The following TAS1R1 variants were observed in gnomAD, a reference collection of about 807,000 sequenced individuals.
TAS1R1 encodes taste receptor type 1 member 1.
Under a neutral mutation model 45.8 loss-of-function variants are expected in TAS1R1, and 31 were observed. The ratio of observed to expected loss-of-function variants is 0.68; its 90% CI spans 0.51 to 0.91. The LOEUF (loss-of-function observed/expected upper bound fraction) is 0.91. Ranked by LOEUF, TAS1R1 falls within the 40% of genes least tolerant of loss-of-function variation. TAS1R1 has a pLI of 0.00. For missense variants in TAS1R1, 1,051 were observed against 1,063.9 expected, an observed-to-expected ratio of 0.99 and a Z score of 0.17; for synonymous variants, 437 against 448.4, an observed-to-expected ratio of 0.97 and a Z score of 0.32.
rs1359974282 is a variant in TAS1R1, at chr1:6,555,382, C to G, written c.9C>G (p.Leu3=). The part of the protein sequence containing the change: ML[L]CTARLVGLQL... ...GCGGGCATCTGGCCAGCATGCTGCT[C>G]TGCACGGCTCGCCTGGTCGGCCTGC... is the stretch of plus-strand genomic sequence containing the variant. Residue 3 remains leucine, a synonymous_variant, in exon 1 of 6, where the codon CTC becomes CTG. Coordinates refer to ENST00000333172, the MANE Select transcript of TAS1R1 (RefSeq NM_138697.4). 6.3e-7 allele frequency: 1 copy of G among 1,599,332 alleles called. No homozygotes were observed. Among genetic ancestry groups the G allele is most frequent in the South Asian group, 1.1e-5 (1 of 89,344 alleles).
At chr1:6,577,661 C>T (rs1269756702) in intron 5 of TAS1R1, among the ~76,000 whole-genome samples, 4 of 151,188 alleles carry the variant, frequency 2.6e-5, no homozygotes, top group African/African-American at 9.7e-5. Flanking sequence ...CCCATCTCTA[C>T]TAAAAATACA....
intron 1 of TAS1R1, among the ~76,000 whole-genome samples, chr1:6,563,105 C>T (rs1488373893): frequency 6.6e-6 from 1 of 152,150 alleles, no homozygotes; most frequent in Non-Finnish European, 1.5e-5. Context: ...GCCATACAGC[C>T]TGTATGTCTG....
At chr1:6,560,977 ACT>A (rs1639775679) in intron 1 of TAS1R1, among the ~76,000 whole-genome samples, 1 of 82,964 alleles carries the variant, frequency 1.2e-5, no homozygotes, top group South Asian at 5.5e-4. Flanking sequence ...GAGTCGGAAG[ACT>A]CTGTCTCAAA....
Position 6,575,392 on chromosome 1 carries a change from G to A in TAS1R1, c.1260G>A (p.Gln420=), listed in dbSNP as rs761684697. 5 of 1,553,488 alleles carry A rather than the reference G, an allele frequency of 3.2e-6. No individual in the cohort carries two copies. In the South Asian group the frequency reaches 3.7e-5, roughly 12 times the overall value. ...CCAGGGGCCGAGTCTACCCCTGGCAGGTAAGAGAGCCCACCCCAGCACCTC... is the reference window on the plus strand; with the variant it reads ...CCAGGGGCCGAGTCTACCCCTGGCAAGTAAGAGAGCCCACCCCAGCACCTC... ...ACSRGRVYPW[Q]LLEQIHKVHF... is the part of the protein sequence containing the mutation. Residue 420 remains glutamine, a splice_region_variant and synonymous_variant, in exon 3 of 6, where the codon CAG becomes CAA. Coordinates refer to ENST00000333172, the MANE Select transcript of TAS1R1 (RefSeq NM_138697.4).
At chr1:6,561,092 A>C (rs1639780131) in intron 1 of TAS1R1, among the ~76,000 whole-genome samples, 1 of 151,794 alleles carries the variant, frequency 6.6e-6, no homozygotes, top group Admixed American at 6.6e-5. Flanking sequence ...CCATGGGTGA[A>C]GGCTCTAATA....
At chr1:6,573,466 A>G (rs1455567733) in intron 2 of TAS1R1, among the ~76,000 whole-genome samples, 1 of 152,008 alleles carries the variant, frequency 6.6e-6, no homozygotes, top group Non-Finnish European at 1.5e-5. Flanking sequence ...CAGAAAGAAA[A>G]GAAAAAATGC....
rs74932337 is a variant in TAS1R1, at chr1:6,569,744, G to C, written c.192-1165G>C. On this transcript the variant is annotated intron_variant, in intron 1 of 5. Transcript: ENST00000333172. The stretch of plus-strand genomic sequence containing the variant: ...CTGAGACAGGCGTCCCTGAAATGGA[G>C]GAACCGGAGGCCTGGAGGCCAGAGG... Among the ~76,000 whole-genome samples the C allele has an allele frequency of 4.1e-3, 621 of 152,266 alleles. 6 individuals carry two copies. The highest frequency in any genetic ancestry group is 0.014 in the African/African-American group (593 of 41,528).
chr1:6,555,894 C>T (rs1340264083), intron 1 of TAS1R1, among the ~76,000 whole-genome samples: 1 of 9,888 alleles, frequency 1.0e-4, no homozygotes, highest in African/African-American at 1.5e-4. Flanking sequence ...TTTTTTGAGA[C>T]GGAGTCTCGC....
chr1:6,573,420 G>T (rs577792858), intron 2 of TAS1R1, among the ~76,000 whole-genome samples: 1 of 151,882 alleles, frequency 6.6e-6, no homozygotes, highest in African/African-American at 2.4e-5. Context: ...TCACGCCACC[G>T]CACTCCATCC....
rs149578423 is a variant in TAS1R1 at position 6,579,169 on chromosome 1, T to G, written c.2111T>G (p.Leu704Arg). The G allele has an allele frequency of 8.1e-6, 13 of 1,614,096 alleles. No individual in the cohort carries two copies. The highest frequency in any genetic ancestry group is 3.3e-5 in the Admixed American group (2 of 60,004). The part of the protein sequence containing the change: ...CLTWLVVWTP[L>R]PAREYQRFPH... ...ACTTGGCTGGTGGTGTGGACCCCAC[T>G]GCCTGCTAGGGAATACCAGCGCTTC... is the stretch of plus-strand genomic sequence containing the variant. Residue 704 changes from leucine (L) to arginine (R), a missense_variant, in exon 6 of 6, where the codon CTG (leucine) becomes CGG (arginine). By Grantham distance (102) the Leu-to-Arg change is moderately radical. Coordinates refer to ENST00000333172, the MANE Select transcript of TAS1R1 (RefSeq NM_138697.4).
At chr1:6,567,764 G>C (rs1350764300) in intron 1 of TAS1R1, among the ~76,000 whole-genome samples, 1 of 152,102 alleles carries the variant, frequency 6.6e-6, no homozygotes, top group East Asian at 1.9e-4. Context: ...TGAGGTGCAG[G>C]CTTTTCTGTC....
chr1:6,558,117 G>C (rs1243262846), intron 1 of TAS1R1, among the ~76,000 whole-genome samples: 1 of 149,538 alleles, frequency 6.7e-6, no homozygotes, highest in African/African-American at 2.5e-5. Flanking sequence ...TACAATCATA[G>C]CTCACTGCAG....
chr1:6,576,642 G>A lies in TAS1R1; in HGVS notation c.1473+15G>A, dbSNP rs755273541. 6.2e-7 allele frequency: 1 copy of A among 1,610,488 alleles called. No homozygotes were observed. The highest frequency in any genetic ancestry group is 1.1e-5 in the South Asian group (1 of 91,040). On this transcript the variant is annotated intron_variant, in intron 4 of 5. Transcript: ENST00000333172. ...AGGACAACCAGGTAATGGGGATGTG[G>A]CTACTCACCATGTAACTGGCTTATG... is the stretch of plus-strand genomic sequence containing the variant.
At chr1:6,567,307 TC>T (rs1229082421) in intron 1 of TAS1R1, among the ~76,000 whole-genome samples, 1 of 151,988 alleles carries the variant, frequency 6.6e-6, no homozygotes, top group Non-Finnish European at 1.5e-5. Flanking sequence ...ACGCCTGTAA[TC>T]CCAGCACTTT....
chr1:6,557,319 A>G (rs2148665730), intron 1 of TAS1R1, among the ~76,000 whole-genome samples: 1 of 152,252 alleles, frequency 6.6e-6, no homozygotes. Flanking sequence ...AGGAGGCACG[A>G]ACCCTCCGTT....
chr1:6,560,103 C>A (rs1639756245), intron 1 of TAS1R1, among the ~76,000 whole-genome samples: 1 of 151,878 alleles, frequency 6.6e-6, no homozygotes, highest in South Asian at 2.1e-4. Context: ...TCAAGACCAG[C>A]CTGACCAACA....
chr1:6,559,923 G>A (rs1343729359), intron 1 of TAS1R1, among the ~76,000 whole-genome samples: 1 of 151,126 alleles, frequency 6.6e-6, no homozygotes, highest in Non-Finnish European at 1.5e-5. Flanking sequence ...CTGGTGGGTG[G>A]AGGTTGCAAT....
intron 1 of TAS1R1, among the ~76,000 whole-genome samples, chr1:6,562,230 G>A (rs1326986341): frequency 1.3e-5 from 2 of 152,106 alleles, no homozygotes; most frequent in African/African-American, 4.8e-5. Flanking sequence ...GTGTAATGCC[G>A]AGATCCCGGC....
At chr1:6,555,775 T>C (rs1350583510) in intron 1 of TAS1R1, among the ~76,000 whole-genome samples, 2 of 152,180 alleles carry the variant, frequency 1.3e-5, no homozygotes, top group Non-Finnish European at 2.9e-5. Flanking sequence ...GCTGTTAGAA[T>C]GTGTTGTATT....
Sources: allele counts gnomAD v4.1 joint callset (sites outside exome capture counted in the v4.1 genomes callset), GRCh38; gene constraint gnomAD v4.1.1; transcripts MANE v1.5; gene names NCBI Gene and HGNC (gene_info 2026-07-23, HGNC 2026-07-21).